Variants in TSHZ3 observed in about 807,000 individuals in gnomAD.
TSHZ3 encodes teashirt zinc finger homeobox 3.
A neutral mutation model predicts 64.5 loss-of-function variants in TSHZ3; 10 were observed. The observed-to-expected ratio is 0.16, with a 90% CI of 0.10 to 0.26. TSHZ3 has a LOEUF of 0.26. Ranked by LOEUF, TSHZ3 falls within the 10% of genes least tolerant of loss-of-function variation. The pLI is 1.00. For synonymous variants in TSHZ3, 608 were observed against 593.1 expected, an observed-to-expected ratio of 1.03 and a Z score of -0.36; for missense variants, 1,242 against 1,421.7, an observed-to-expected ratio of 0.87 and a Z score of 2.03.
intron 1 of TSHZ3, among the ~76,000 whole-genome samples, chr19:31,264,816 C>T (rs1328684271): frequency 2.6e-5 from 4 of 151,764 alleles, no homozygotes; most frequent in South Asian, 2.1e-4. Context: ...ATATTCATTG[C>T]GCAGTTCAGG....
downstream of TSHZ3, among the ~76,000 whole-genome samples, chr19:31,274,068 G>A (rs946151950): frequency 2.6e-5 from 4 of 152,126 alleles, no homozygotes; most frequent in Admixed American, 2.6e-4. Flanking sequence ...GGGTGGGGAT[G>A]AGCGGAAAAA....
intron 1 of TSHZ3, among the ~76,000 whole-genome samples, chr19:31,346,899 C>G (rs1599663887): frequency 6.6e-6 from 1 of 151,554 alleles, no homozygotes; most frequent in African/African-American, 2.4e-5. Context: ...TCCGCCTCCA[C>G]CCCCTCCTCC....
intron 1 of TSHZ3, among the ~76,000 whole-genome samples, chr19:31,288,313 C>T (rs560707430): frequency 1.3e-5 from 2 of 152,238 alleles, no homozygotes; most frequent in African/African-American, 4.8e-5. Context: ...CATGCCTAAG[C>T]CCTCAGCAGG....
intron 6 of TSHZ3, among the ~76,000 whole-genome samples, chr19:31,155,617 T>C (rs908746380): frequency 6.6e-6 from 1 of 152,240 alleles, no homozygotes; most frequent in African/African-American, 2.4e-5. Flanking sequence ...TAGTGCCCCT[T>C]TGTTTTGGAA....
chr19:31,151,393 A>C (rs1165889960), exon 7 of TSHZ3, among the ~76,000 whole-genome samples: 1 of 152,212 alleles, frequency 6.6e-6, no homozygotes, highest in Non-Finnish European at 1.5e-5. Context: ...CAAAGAAATT[A>C]ACATGAGCCA....
At chr19:31,350,327 C>T (rs560540035), upstream of TSHZ3, among the ~76,000 whole-genome samples, 4 of 150,624 alleles carry the variant, frequency 2.7e-5, no homozygotes, top group Non-Finnish European at 4.5e-5. Flanking sequence ...GACAAACTTT[C>T]CTGGGCCCGT....
intron 1 of TSHZ3, among the ~76,000 whole-genome samples, chr19:31,346,641 A>ACT (rs981884054): frequency 4.6e-5 from 7 of 151,832 alleles, no homozygotes; most frequent in African/African-American, 1.4e-4. Context: ...TCTTTTCCCC[A>ACT]CTCTCTCTCT....
intron 1 of TSHZ3, among the ~76,000 whole-genome samples, chr19:31,243,070 C>T (rs763631946): frequency 6.6e-6 from 1 of 152,208 alleles, no homozygotes; most frequent in African/African-American, 2.4e-5. Flanking sequence ...ATCTAGATAT[C>T]CTTTAATCCA....
chr19:31,268,200 A>G (rs1385572023), intron 1 of TSHZ3, among the ~76,000 whole-genome samples: 1 of 152,096 alleles, frequency 6.6e-6, no homozygotes, highest in Non-Finnish European at 1.5e-5. Context: ...GACCTCCCCA[A>G]CCATGTGGAA....
rs371925588 is a variant in TSHZ3, at chr19:31,277,945, C to G, written c.1848G>C (p.Lys616Asn). Residue 616 changes from lysine (K) to asparagine (N), a missense_variant, in exon 2 of 2, where the codon AAG (lysine) becomes AAC (asparagine). This residue lies in a region of TSHZ3 where 550 missense variants were observed against 545.1 expected (regional missense o/e 1.01). Transcript: ENST00000240587. This position sits in a 1 kb window ranked among gnomAD's most constrained non-coding sequence, Gnocchi z 4.5. ...CCACTTTGGCAACTTTCTCAGTGAC[C>G]TTTTTCACCAGCTCCTCCATGGCAT... ...NFHAMEELVK[K>N]VTEKVAKVEE... 1.1e-5 allele frequency: 17 copies of G among 1,614,070 alleles called. No homozygotes were observed. Among genetic ancestry groups the G allele is most frequent in the African/African-American group, 8.0e-5 (6 of 74,914 alleles).
At chr19:31,200,327 C>G (rs917008130) in intron 5 of TSHZ3, among the ~76,000 whole-genome samples, 1 of 151,816 alleles carries the variant, frequency 6.6e-6, no homozygotes, top group Admixed American at 6.6e-5. Flanking sequence ...CCAATATGTT[C>G]TTGAGTAGGT....
chr19:31,314,378 C>T (rs895538690), intron 1 of TSHZ3, among the ~76,000 whole-genome samples: 1 of 152,200 alleles, frequency 6.6e-6, no homozygotes, highest in Admixed American at 6.5e-5. Flanking sequence ...ACATGGGCAG[C>T]GGCCGGAACC....
chr19:31,314,175 C>T (rs1168721835), intron 1 of TSHZ3, among the ~76,000 whole-genome samples: 1 of 152,162 alleles, frequency 6.6e-6, no homozygotes, highest in Admixed American at 6.5e-5. Context: ...ATGCCTCCTT[C>T]CGGCTTCTAA....
intron 1 of TSHZ3, among the ~76,000 whole-genome samples, chr19:31,340,031 C>T (rs1017589974): frequency 5.9e-5 from 9 of 151,844 alleles, no homozygotes; most frequent in African/African-American, 2.2e-4. Flanking sequence ...GTAATCGTCC[C>T]GCAGCTTGAC....
rs143622988 is a variant in TSHZ3, at chr19:31,314,315, G to A, written c.41-34563C>T. Among the ~76,000 whole-genome samples, 744 of 152,316 alleles carry A rather than the reference G, an allele frequency of 4.9e-3. 3 individuals are homozygous for A. The highest frequency in any genetic ancestry group is 9.3e-3 in the South Asian group (45 of 4,820). ...AGGGTGTTTCCAGAGCCATGGGAGA[G>A]AGAGCGGGCGGCAGGGAGGCATGGT... is the stretch of plus-strand genomic sequence containing the variant. On this transcript the variant is annotated intron_variant, in intron 1 of 1. Coordinates refer to ENST00000240587, the MANE Select transcript of TSHZ3 (RefSeq NM_020856.4).
intron 3 of TSHZ3, among the ~76,000 whole-genome samples, chr19:31,228,909 A>G (rs1458528954): frequency 6.6e-6 from 1 of 152,178 alleles, no homozygotes; most frequent in East Asian, 1.9e-4. Flanking sequence ...CTCTAATCTT[A>G]GATCCTAACC....
At chr19:31,316,726 C>T (rs866549139) in intron 1 of TSHZ3, among the ~76,000 whole-genome samples, 8 of 152,050 alleles carry the variant, frequency 5.3e-5, no homozygotes, top group African/African-American at 1.9e-4. Context: ...GTCTGCTTTC[C>T]ACCTCATGGA....
At chr19:31,336,868 C>T (rs1017433436) in intron 1 of TSHZ3, among the ~76,000 whole-genome samples, 2 of 152,216 alleles carry the variant, frequency 1.3e-5, no homozygotes, top group Non-Finnish European at 2.9e-5. Context: ...TTCTCTCCAG[C>T]ATCGTCTTTG....
At position 31,278,378 on chromosome 19, in the gene TSHZ3, T is replaced by G; in HGVS notation, c.1415A>C (p.Lys472Thr). The G allele has an allele frequency of 6.2e-7, 1 of 1,614,188 alleles. No homozygotes were observed. The highest frequency in any genetic ancestry group is 8.5e-7 in the Non-Finnish European group (1 of 1,180,036). Residue 472 changes from lysine to threonine, a missense_variant, in exon 2 of 2, where the codon AAG becomes ACG. Physicochemically the swap from Lys to Thr is moderately conservative, Grantham distance 78. Coordinates refer to ENST00000240587, the MANE Select transcript of TSHZ3 (RefSeq NM_020856.4). The surrounding 1 kb of genome is among the most constrained non-coding windows in gnomAD (Gnocchi z 4.7). ...GACCGCTTTCTCCTTGTCGACTTCC[T>G]TCTTGACCTCCACATTCAGTTTTGG... is the stretch of plus-strand genomic sequence containing the variant. ...ISPKLNVEVK[K>T]EVDKEKAVTD... is the part of the protein sequence containing the mutation.
Sources: gnomAD v4.1 joint callset for allele counts (sites outside exome capture counted in the v4.1 genomes callset) on GRCh38, gnomAD v4.1.1 for gene constraint, gnomAD v4.1.1 regional missense constraint, Gnocchi (gnomAD v3.1) non-coding constraint, MANE v1.5 for transcripts, NCBI Gene and HGNC (gene_info 2026-07-23, HGNC 2026-07-21) for gene names.